MACROD2: variants seen among roughly 807,000 people sequenced by gnomAD.
MACROD2 encodes mono-ADP ribosylhydrolase 2, also known as ADP-ribose glycohydrolase MACROD2.
Under a neutral mutation model 70.4 loss-of-function variants are expected in MACROD2, and 36 were observed. The ratio of observed to expected loss-of-function variants is 0.51; its 90% CI spans 0.39 to 0.68. The LOEUF is 0.68. Among genes scored for constraint, MACROD2 ranks in the 30% least tolerant of loss-of-function variants. The pLI is 0.00. For synonymous variants in MACROD2, 172 were observed against 178.8 expected (o/e 0.96, Z 0.30); for missense variants, 496 against 538.4 (o/e 0.92, Z 0.78).
intron 3 of MACROD2, among the ~76,000 whole-genome samples, chr20:14,285,473 T>C (rs2122422836): frequency 6.6e-6 from 1 of 152,264 alleles, no homozygotes; most frequent in African/African-American, 2.4e-5. Context: ...TTAACCTGTA[T>C]ATTGGAAAGG....
chr20:15,053,295 GA>G (rs2075457473), intron 5 of MACROD2, among the ~76,000 whole-genome samples: 1 of 152,198 alleles, frequency 6.6e-6, no homozygotes, highest in Non-Finnish European at 1.5e-5. Context: ...TGCCACTTGG[GA>G]TGTTCATCAC....
At chr20:15,115,878 A>T (rs563713525) in intron 5 of MACROD2, among the ~76,000 whole-genome samples, 1 of 152,196 alleles carries the variant, frequency 6.6e-6, no homozygotes. Flanking sequence ...AAGAAAGATC[A>T]GTTGGTGGTG....
chr20:14,789,580 AT>A (rs1219880802), intron 5 of MACROD2, among the ~76,000 whole-genome samples: 1 of 143,392 alleles, frequency 7.0e-6, no homozygotes, highest in Non-Finnish European at 1.5e-5. Flanking sequence ...GGTTCATGCG[AT>A]TCTCCTGCCT....
chr20:14,311,615 T>C (rs899143804), intron 3 of MACROD2, among the ~76,000 whole-genome samples: 2 of 152,192 alleles, frequency 1.3e-5, no homozygotes, highest in Non-Finnish European at 2.9e-5. Context: ...CCTCCTGGGT[T>C]CAATTGATTC....
intron 12 of MACROD2, among the ~76,000 whole-genome samples, chr20:15,950,669 A>G (rs2147364481): frequency 6.6e-6 from 1 of 152,276 alleles, no homozygotes; most frequent in Middle Eastern, 3.4e-3. Context: ...TATAAGCAAC[A>G]CGGTGGGGCT....
At chr20:14,736,956 T>A (rs868317325) in intron 5 of MACROD2, among the ~76,000 whole-genome samples, 3 of 152,240 alleles carry the variant, frequency 2.0e-5, no homozygotes, top group African/African-American at 7.2e-5. Context: ...TCTTTTTTTT[T>A]AGAATTTTTA....
intron 8 of MACROD2, among the ~76,000 whole-genome samples, chr20:15,630,056 C>T (rs898910241): frequency 2.0e-5 from 3 of 152,110 alleles, no homozygotes; most frequent in East Asian, 1.9e-4. Flanking sequence ...CACTTGGCAC[C>T]GTGTCCAGCC....
chr20:15,399,477 T>C (rs2045901574), intron 6 of MACROD2, among the ~76,000 whole-genome samples: 1 of 152,234 alleles, frequency 6.6e-6, no homozygotes, highest in Admixed American at 6.5e-5. Context: ...ACTATTCTAC[T>C]ATCCCTCCTG....
chr20:15,959,657 G>A (rs2066030919), intron 12 of MACROD2, among the ~76,000 whole-genome samples: 1 of 152,058 alleles, frequency 6.6e-6, no homozygotes, highest in African/African-American at 2.4e-5. Flanking sequence ...AGCCTCCCAA[G>A]TAGCTGGGAC....
intron 5 of MACROD2, among the ~76,000 whole-genome samples, chr20:15,111,950 C>A (rs2075958798): frequency 6.6e-6 from 1 of 152,188 alleles, no homozygotes; most frequent in Non-Finnish European, 1.5e-5. Context: ...CTTCCTCCTT[C>A]ATTAGCATTT....
intron 5 of MACROD2, among the ~76,000 whole-genome samples, chr20:14,721,932 T>A (rs2071474959): frequency 6.6e-6 from 1 of 152,174 alleles, no homozygotes; most frequent in South Asian, 2.1e-4. Flanking sequence ...TTATATAGAC[T>A]TAGGCCCATG....
intron 5 of MACROD2, among the ~76,000 whole-genome samples, chr20:15,112,421 G>A (rs1601090504): frequency 6.6e-6 from 1 of 152,096 alleles, no homozygotes; most frequent in East Asian, 1.9e-4. Flanking sequence ...TTATCACTTA[G>A]TGAATTCTTA....
At chr20:14,278,325 A>G (rs1299976731) in intron 3 of MACROD2, among the ~76,000 whole-genome samples, 1 of 152,006 alleles carries the variant, frequency 6.6e-6, no homozygotes, top group Admixed American at 6.6e-5. Flanking sequence ...GTCTTTGTTC[A>G]CTTTGTTGCC....
chr20:15,810,126 G>A (rs1319302687), intron 8 of MACROD2, among the ~76,000 whole-genome samples: 4 of 149,448 alleles, frequency 2.7e-5, no homozygotes, highest in Admixed American at 6.8e-5. Context: ...TTGGTTTTTT[G>A]TCCTTGCGAT....
intron 5 of MACROD2, among the ~76,000 whole-genome samples, chr20:14,798,550 G>T (rs1255337204): frequency 6.6e-6 from 1 of 152,010 alleles, no homozygotes; most frequent in African/African-American, 2.4e-5. Context: ...ATAAGTTGAT[G>T]GAACCTTAAT....
At chr20:14,852,980 T>G (rs984514065) in intron 5 of MACROD2, among the ~76,000 whole-genome samples, 3 of 152,116 alleles carry the variant, frequency 2.0e-5, no homozygotes, top group Admixed American at 6.5e-5. Flanking sequence ...AAAGTAGCCC[T>G]TTACTGTAGT....
At chr20:15,257,608 A>T (rs1320293431) in intron 6 of MACROD2, among the ~76,000 whole-genome samples, 1 of 152,024 alleles carries the variant, frequency 6.6e-6, no homozygotes, top group African/African-American at 2.4e-5. Context: ...CTATCTTCTT[A>T]AGGTTGTAAC....
rs557703674 is a variant in MACROD2 at position 15,730,110 on chromosome 20, G to A, written c.646-132635G>A. ...CCCAAAGTGTTGGGATTACAGGCAT[G>A]AGCCACCATGTCCAGCCACTGGGTC... On this transcript the variant is annotated intron_variant, in intron 8 of 17. Transcript: ENST00000684519. 2.0e-5 allele frequency among the ~76,000 whole-genome samples: 3 copies of A among 152,308 alleles called. No individual in the cohort carries two copies. The East Asian group carries it at 5.8e-4, about 29-fold the overall frequency.
chr20:15,617,267 A>G (rs2049052338), intron 8 of MACROD2, among the ~76,000 whole-genome samples: 2 of 152,216 alleles, frequency 1.3e-5, no homozygotes, highest in Admixed American at 1.3e-4. Flanking sequence ...GGGACACAAC[A>G]GACATGATTA....
Sources: gnomAD v4.1 joint callset for allele counts (sites outside exome capture counted in the v4.1 genomes callset) on GRCh38, gnomAD v4.1.1 for gene constraint, MANE v1.5 for transcripts, NCBI Gene and HGNC (gene_info 2026-07-23, HGNC 2026-07-21) for gene names.